ZKSCAN5: variants seen among roughly 807,000 people sequenced by gnomAD.
ZKSCAN5 encodes zinc finger with KRAB and SCAN domains 5.
ZKSCAN5 carries 28 observed loss-of-function variants against 60.0 expected under a neutral mutation model. That is an observed-to-expected ratio of 0.47 (90% CI 0.35 to 0.64). ZKSCAN5 has a LOEUF of 0.64. ZKSCAN5 is among the 30% of genes least tolerant of loss of function. The pLI is 0.01. For synonymous variants in ZKSCAN5, 361 were observed against 371.2 expected (o/e 0.97, Z 0.31); for missense variants, 881 against 1,034.6 (o/e 0.85, Z 2.04).
At chr7:99,519,324 C>G (rs1801414295) in intron 3 of ZKSCAN5, among the ~76,000 whole-genome samples, 1 of 142,252 alleles carries the variant, frequency 7.0e-6, no homozygotes, top group Non-Finnish European at 1.5e-5. Flanking sequence ...GTTGCCCAGG[C>G]TGGAGTGCAG....
chr7:99,508,005 A>C (rs1800843068), intron 2 of ZKSCAN5, among the ~76,000 whole-genome samples: 2 of 152,206 alleles, frequency 1.3e-5, no homozygotes, highest in Non-Finnish European at 2.9e-5. Context: ...GTTGGCTTAG[A>C]AATACATGTG....
chr7:99,506,505 C>T (rs1246939460), intron 2 of ZKSCAN5, 47 bp downstream of exon 2: 1 of 1,550,544 alleles, frequency 6.4e-7, no homozygotes. Flanking sequence ...AGGAGTGAAC[C>T]ATCTGCTGAG....
intron 6 of ZKSCAN5, among the ~76,000 whole-genome samples, chr7:99,527,725 C>T (rs138733475): frequency 0.011 from 1,628 of 152,086 alleles, 16 homozygotes; most frequent in African/African-American, 0.037. Flanking sequence ...ACTCTTGTTG[C>T]CCAGGCTGGA....
intron 2 of ZKSCAN5, among the ~76,000 whole-genome samples, chr7:99,511,993 C>T (rs926229278): frequency 2.6e-5 from 4 of 152,066 alleles, no homozygotes; most frequent in African/African-American, 4.8e-5. Flanking sequence ...GGGGTTTCAC[C>T]GTGTTAGCCA....
intron 3 of ZKSCAN5, among the ~76,000 whole-genome samples, chr7:99,518,670 CTT>C (rs993896580): frequency 4.0e-4 from 37 of 92,222 alleles, no homozygotes; most frequent in African/African-American, 1.4e-3. Flanking sequence ...AGAATGCATC[CTT>C]TTTTTTTTTT....
At chr7:99,519,796 C>T (rs775789472) in intron 3 of ZKSCAN5, 31 bp from the exon 4 acceptor site, 14 of 1,590,716 alleles carry the variant, frequency 8.8e-6, no homozygotes, top group Non-Finnish European at 1.1e-5. Flanking sequence ...CAAAGATGTT[C>T]TCACTTAAAC....
In ZKSCAN5 at chr7:99,526,391, C is replaced by T. The variant is rs567118361; in HGVS notation, c.1351C>T (p.Arg451Cys). 18 of 1,600,684 alleles carry T rather than the reference C, an allele frequency of 1.1e-5. No individual in the cohort carries two copies. Among genetic ancestry groups the T allele is most frequent in the Admixed American group, 3.3e-5 (2 of 59,968 alleles). The part of the protein sequence containing the change: ...RHSHLIEHLK[R>C]HFREKSQRCS... ...TTCGCATCTGATCGAACACCTAAAA[C>T]GCCACTTCAGGGAGAAATCCCAGAG... The change falls in exon 6 of 7, where the codon CGC becomes TGC. Residue 451 changes from arginine (R) to cysteine (C), a missense_variant. Arg to Cys is a radical substitution (Grantham distance 180). Transcript: ENST00000326775.
Position 99,529,789 on chromosome 7 carries a change from G to A in ZKSCAN5, c.1379-1319G>A, listed in dbSNP as rs575643693. Among the ~76,000 whole-genome samples, 16 of 152,190 alleles carry A rather than the reference G, an allele frequency of 1.1e-4. No homozygotes were observed. In the East Asian group the frequency reaches 2.9e-3, roughly 28 times the overall value. ...CTCGCTGTGTTGCCCAGGCTGGAGT[G>A]CAGTGGCGCAATCTTGGCTCACTGC... On this transcript the variant is annotated intron_variant, in intron 6 of 6. Transcript: ENST00000326775.
chr7:99,534,241 T>C lies in ZKSCAN5; in HGVS notation c.*1992T>C, dbSNP rs189128359. 6.0e-3 allele frequency: 908 copies of C among 152,358 alleles called. 10 individuals carry two copies. The highest frequency in any genetic ancestry group is 5.4e-3 in the Non-Finnish European group (365 of 68,094). 9.4% of individuals were successfully genotyped at this position (152,358 alleles called of 1,614,324 possible). A position where few individuals can be genotyped will look rare whatever the true frequency, so the allele number is the denominator to read the frequency against. On this transcript the variant is annotated 3_prime_UTR_variant, in exon 7 of 7. Transcript: ENST00000326775. The stretch of plus-strand genomic sequence containing the variant: ...AATTTTTTTATAGACAGGGTCTTGC[T>C]CTGCTGCCCAGGCTAGAGTGCAGTG...
intron 2 of ZKSCAN5, among the ~76,000 whole-genome samples, chr7:99,510,523 C>T (rs1800972963): frequency 6.6e-6 from 1 of 152,082 alleles, no homozygotes; most frequent in African/African-American, 2.4e-5. Context: ...CGGCTCACTG[C>T]AACCTCCACC....
chr7:99,510,182 C>T (rs1188562944), intron 2 of ZKSCAN5, among the ~76,000 whole-genome samples: 3 of 151,820 alleles, frequency 2.0e-5, no homozygotes, highest in Non-Finnish European at 2.9e-5. Context: ...GATCCTCCTG[C>T]GTTGGCCTCC....
Position 99,532,603 on chromosome 7 carries a change from A to T in ZKSCAN5, c.*354A>T, listed in dbSNP as rs1584212415. The T allele has an allele frequency of 5.2e-6, 1 of 191,552 alleles. No homozygotes were observed. Among genetic ancestry groups the T allele is most frequent in the East Asian group, 1.3e-4 (1 of 7,482 alleles). 11.9% of individuals were successfully genotyped at this position (191,552 alleles called of 1,614,324 possible). On this transcript the variant is annotated 3_prime_UTR_variant, in exon 7 of 7. Transcript: ENST00000326775. ...ACAGCTTCATGAGTTCAGTAGAAGT[A>T]AGCTTTATTTGTAGCTTCTGCCTTG... is the stretch of plus-strand genomic sequence containing the variant.
chr7:99,506,882 G>A (rs1467248261), intron 2 of ZKSCAN5, among the ~76,000 whole-genome samples: 1 of 140,460 alleles, frequency 7.1e-6, no homozygotes, highest in East Asian at 2.0e-4. Context: ...ATTTTTAGTA[G>A]AGACGGGGTT....
intron 6 of ZKSCAN5, among the ~76,000 whole-genome samples, chr7:99,530,327 G>A (rs961781050): frequency 6.6e-6 from 1 of 151,986 alleles, no homozygotes; most frequent in Non-Finnish European, 1.5e-5. Flanking sequence ...GAGCCACCAC[G>A]CCCGGCCTTT....
Position 99,526,358 on chromosome 7 carries a change from G to A in ZKSCAN5, c.1318G>A (p.Gly440Ser), listed in dbSNP as rs375672801. ...YGCNECGKNF[G>S]RHSHLIEHLK... Reference sequence around the variant, plus strand: ...CTGCAATGAGTGTGGGAAGAACTTCGGTCGCCATTCGCATCTGATCGAACA... The same window carrying A: ...CTGCAATGAGTGTGGGAAGAACTTCAGTCGCCATTCGCATCTGATCGAACA... Residue 440 changes from glycine (G) to serine (S), a missense_variant, in exon 6 of 7, where the codon GGT becomes AGT. Physicochemically the swap from Gly to Ser is moderately conservative, Grantham distance 56 (BLOSUM62 0). Around this residue, in one of 5 missense-constraint regions of ZKSCAN5, gnomAD observed 490 missense variants for 554.5 expected, o/e 0.88. Coordinates refer to ENST00000326775, the MANE Select transcript of ZKSCAN5 (RefSeq NM_145102.4). 16 of 1,605,592 alleles carry A rather than the reference G, an allele frequency of 1.0e-5. No individual in the cohort carries two copies. The highest frequency in any genetic ancestry group is 9.3e-5 in the African/African-American group (7 of 75,028).
At chr7:99,507,523 G>GTGTATATATATGTATATATATGTATA (rs1562901576) in intron 2 of ZKSCAN5, among the ~76,000 whole-genome samples, 4 of 133,820 alleles carry the variant, frequency 3.0e-5, no homozygotes, top group South Asian at 2.3e-4. Context: ...GTGTATATAT[G>GTGTATATATATGTATATATATGTATA]TATATGTGTA....
chr7:99,525,912 C>T lies in ZKSCAN5; in HGVS notation c.872C>T (p.Pro291Leu). ...CCAGAACACACCGAAAGGAGCGTTCCTCAGGATCCAGACTTTGCAGAAGTC... is the reference window on the plus strand; with the variant it reads ...CCAGAACACACCGAAAGGAGCGTTCTTCAGGATCCAGACTTTGCAGAAGTC... ...VAPEHTERSV[P>L]QDPDFAEVSD... Residue 291 changes from proline to leucine, a missense_variant, in exon 6 of 7, where the codon CCT (proline) becomes CTT (leucine). Physicochemically the swap from Pro to Leu is moderately conservative, Grantham distance 98 (BLOSUM62 -3). Transcript: ENST00000326775. 1 of 1,614,040 alleles carries T rather than the reference C, an allele frequency of 6.2e-7. No homozygotes were observed. The highest frequency in any genetic ancestry group is 8.5e-7 in the Non-Finnish European group (1 of 1,180,032).
rs116057124 is a variant in ZKSCAN5 at position 99,531,496 on chromosome 7, C to G, written c.1767C>G (p.Arg589=). ...CEECGKSYNQ[R]VHLTQHQRVH... ...AATGTGGGAAAAGCTACAACCAACG[C>G]GTGCACCTAACTCAGCATCAGCGCG... Residue 589 remains arginine, a synonymous_variant, in exon 7 of 7, where the codon CGC becomes CGG. Transcript: ENST00000326775. 5.0e-4 allele frequency: 804 copies of G among 1,614,194 alleles called. 1 individual carries two copies. The highest frequency in any genetic ancestry group is 2.0e-3 in the Middle Eastern group (12 of 6,062).
intron 1 of ZKSCAN5, 165 bp downstream of exon 1, chr7:99,504,898 C>T (rs1231010797): frequency 6.5e-6 from 1 of 153,802 alleles, no homozygotes; most frequent in Non-Finnish European, 1.4e-5. Context: ...GCGCAAGCTC[C>T]CCGGCCAATC....
Sources: gnomAD v4.1 joint callset for allele counts (sites outside exome capture counted in the v4.1 genomes callset) on GRCh38, gnomAD v4.1.1 for gene constraint, gnomAD v4.1.1 regional missense constraint, MANE v1.5 for transcripts, NCBI Gene and HGNC (gene_info 2026-07-23, HGNC 2026-07-21) for gene names.